The following ARHGEF10L variants were observed in gnomAD, a reference collection of about 807,000 sequenced individuals.
ARHGEF10L encodes rho guanine nucleotide exchange factor 10-like protein.
Under a neutral mutation model 141.2 loss-of-function variants are expected in ARHGEF10L, and 69 were observed. That is an observed-to-expected ratio of 0.49 (90% CI 0.40 to 0.60). The LOEUF (loss-of-function observed/expected upper bound fraction) is 0.60, where lower values mean the gene tolerates loss of function less well. Ranked by LOEUF, ARHGEF10L falls within the 20% of genes least tolerant of loss-of-function variation. ARHGEF10L has a pLI of 0.00. For synonymous variants in ARHGEF10L, 711 were observed against 718.5 expected, an observed-to-expected ratio of 0.99 and a Z score of 0.17; for missense variants, 1,482 against 1,734.3, an observed-to-expected ratio of 0.85 and a Z score of 2.58.
intron 25 of ARHGEF10L, 144 bp from the exon 26 acceptor site, chr1:17,664,303 A>C: frequency 1.1e-6 from 1 of 917,746 alleles, no homozygotes; most frequent in Non-Finnish European, 1.6e-6. Context: ...GACAGCCACC[A>C]CCCAGCTGAT....
chr1:17,663,124 C>T (rs1036507577), intron 25 of ARHGEF10L, among the ~76,000 whole-genome samples: 7 of 152,172 alleles, frequency 4.6e-5, no homozygotes, highest in South Asian at 2.1e-4. Context: ...TCTTGGCGCG[C>T]GCCGCTTGGA....
At position 17,654,571 on chromosome 1, in the gene ARHGEF10L, T is replaced by G; in HGVS notation, c.2395-65T>G. On this transcript the variant is annotated intron_variant, in intron 22 of 28. Transcript: ENST00000361221. This position sits in a 1 kb window ranked among gnomAD's most constrained non-coding sequence, Gnocchi z 4.3. The stretch of plus-strand genomic sequence containing the variant: ...GAGAGTTGGATGGGGCCCAGGAATC[T>G]GCCAAATATTGGCATCTGGGCACCT... 7.0e-7 allele frequency: 1 copy of G among 1,429,556 alleles called. No individual in the cohort carries two copies. The highest frequency in any genetic ancestry group is 1.7e-5 in the Admixed American group (1 of 59,804). The allele number at this position is 1,429,556 out of a possible 1,614,324, so 88.6% of individuals were successfully genotyped here. A position where few individuals can be genotyped will look rare whatever the true frequency, so the allele number is the denominator to read the frequency against.
At chr1:17,579,901 C>A (rs570243790) in intron 1 of ARHGEF10L, among the ~76,000 whole-genome samples, 1 of 152,352 alleles carries the variant, frequency 6.6e-6, no homozygotes, top group Non-Finnish European at 1.5e-5. Flanking sequence ...GAGGGCGGTG[C>A]CACCTTGGGC....
the ARHGEF10L span, among the ~76,000 whole-genome samples, chr1:17,526,954 G>A: frequency 2.0e-5 from 3 of 151,444 alleles, no homozygotes; most frequent in East Asian, 1.9e-4. Context: ...AGGATGCCTC[G>A]TTGTGCTGTC....
chr1:17,606,202 T>C (rs2081156460), intron 6 of ARHGEF10L, among the ~76,000 whole-genome samples: 1 of 152,212 alleles, frequency 6.6e-6, no homozygotes, highest in South Asian at 2.1e-4. Flanking sequence ...GTCCACTTAT[T>C]ATTAGCCACA....
rs748233176 is a variant in ARHGEF10L, at chr1:17,634,583, C to CGGGGCTCTGGGGCTCT, written c.1745+40_1745+55dup. ...CACAGGTACGTGGTTCAGGGGGCTC[C>CGGGGCTCTGGGGCTCT]GGGGCTCTGGGGCTCTGGGGCTCTG... On this transcript the variant is annotated intron_variant, in intron 17 of 28. Transcript: ENST00000361221. 5 of 1,613,124 alleles carry CGGGGCTCTGGGGCTCT rather than the reference C, an allele frequency of 3.1e-6. 1 individual carries two copies. In the South Asian group the frequency reaches 5.5e-5, roughly 18 times the overall value.
At chr1:17,554,583 CTTT>C (rs970778480) in intron 1 of ARHGEF10L, among the ~76,000 whole-genome samples, 6 of 122,308 alleles carry the variant, frequency 4.9e-5, no homozygotes, top group South Asian at 2.5e-4. Flanking sequence ...TCCTTCCTTC[CTTT>C]TTTTTTTTTT....
At chr1:17,583,141 G>T (rs2078723828) in intron 2 of ARHGEF10L, among the ~76,000 whole-genome samples, 2 of 150,016 alleles carry the variant, frequency 1.3e-5, no homozygotes, top group African/African-American at 4.9e-5. Flanking sequence ...GGAGGTTGAG[G>T]CTGCAGTGAG....
At chr1:17,671,159 G>C (rs1557993878) in intron 26 of ARHGEF10L, among the ~76,000 whole-genome samples, 1 of 152,250 alleles carries the variant, frequency 6.6e-6, no homozygotes, top group Admixed American at 6.5e-5. Context: ...GAGTGTGCCG[G>C]CACCTTCCTC....
In ARHGEF10L at chr1:17,587,525, T is replaced by G. The variant is rs1467358710; in HGVS notation, c.103T>G (p.Phe35Val). Residue 35 changes from phenylalanine (F) to valine (V), a missense_variant, in exon 3 of 29, where the codon TTT becomes GTT. By Grantham distance (50) the Phe-to-Val change is conservative. Transcript: ENST00000361221. Reference sequence around the variant, plus strand: ...GGCAGAGGACGACCCAGGAGAGGCGTTTGAGTTTGATGACAGTGATGATGA... The same window carrying G: ...GGCAGAGGACGACCCAGGAGAGGCGGTTGAGTTTGATGACAGTGATGATGA... ...SEAEDDPGEA[F>V]EFDDSDDEED... The G allele has an allele frequency of 1.6e-5, 26 of 1,613,696 alleles. No individual in the cohort carries two copies. The highest frequency in any genetic ancestry group is 2.2e-5 in the Non-Finnish European group (26 of 1,179,944).
intron 4 of ARHGEF10L, among the ~76,000 whole-genome samples, chr1:17,599,493 C>T (rs142571030): frequency 9.7e-4 from 147 of 152,312 alleles, no homozygotes; most frequent in East Asian, 6.2e-3. Flanking sequence ...TCTAAGCTCA[C>T]GTCTGTTCCA....
chr1:17,579,876 C>A (rs994485756), intron 1 of ARHGEF10L, among the ~76,000 whole-genome samples: 1 of 152,240 alleles, frequency 6.6e-6, no homozygotes, highest in African/African-American at 2.4e-5. Flanking sequence ...CTTATGTGAG[C>A]TCCCACTGTG....
chr1:17,613,353 C>G (rs759297485), intron 8 of ARHGEF10L, among the ~76,000 whole-genome samples, 179 bp downstream of exon 8: 2 of 152,172 alleles, frequency 1.3e-5, no homozygotes, highest in Non-Finnish European at 2.9e-5. Flanking sequence ...CTGGCAGATG[C>G]CTTAAGCCAC....
chr1:17,686,952 T>G (rs1368717604), intron 26 of ARHGEF10L, among the ~76,000 whole-genome samples: 1 of 152,146 alleles, frequency 6.6e-6, no homozygotes, highest in Non-Finnish European at 1.5e-5. Flanking sequence ...CACCTGTTCT[T>G]TTTTTAATCC....
intron 22 of ARHGEF10L, among the ~76,000 whole-genome samples, chr1:17,650,065 C>T (rs6703771): frequency 0.31 from 47,015 of 151,878 alleles, 7,741 homozygotes; most frequent in African/African-American, 0.41. Context: ...ATATATAGTT[C>T]GCATTTTTTG....
Position 17,648,552 on chromosome 1 carries a change from A to C in ARHGEF10L, c.2273-2A>C. 1 of 1,613,524 alleles carries C rather than the reference A, an allele frequency of 6.2e-7. No individual in the cohort carries two copies. ...CTACCCACCTCCTTCCTCTTGCTGT[A>C]GGGGAGGAGAACCAGCCAGGCTGGC... On this transcript the variant is annotated splice_acceptor_variant, in intron 21 of 28. Coordinates refer to ENST00000361221, the MANE Select transcript of ARHGEF10L (RefSeq NM_018125.4). LOFTEE classifies it high-confidence loss of function.
At chr1:17,595,343 G>GCAC (rs1557774379) in intron 4 of ARHGEF10L, among the ~76,000 whole-genome samples, 5 of 151,812 alleles carry the variant, frequency 3.3e-5, no homozygotes, top group African/African-American at 1.2e-4. Flanking sequence ...GGGGTGCAGG[G>GCAC]CCTCTCCATG....
intron 1 of ARHGEF10L, among the ~76,000 whole-genome samples, chr1:17,542,441 C>T (rs1557685108): frequency 6.6e-6 from 1 of 151,962 alleles, no homozygotes; most frequent in Non-Finnish European, 1.5e-5. Flanking sequence ...AGAGGGAGAC[C>T]CTGTCTTAAT....
At chr1:17,532,950 G>T in the ARHGEF10L span, among the ~76,000 whole-genome samples, 5 of 152,128 alleles carry the variant, frequency 3.3e-5, no homozygotes, top group Non-Finnish European at 7.3e-5. Context: ...GCACGGTGCT[G>T]GGTATACCTT....
Sources: gnomAD v4.1 joint callset for allele counts (sites outside exome capture counted in the v4.1 genomes callset) on GRCh38, gnomAD v4.1.1 for gene constraint, Gnocchi (gnomAD v3.1) non-coding constraint, MANE v1.5 for transcripts, NCBI Gene and HGNC (gene_info 2026-07-23, HGNC 2026-07-21) for gene names.